Variants in ARB2A observed in about 807,000 individuals in gnomAD.
ARB2A encodes the protein cotranscriptional regulator ARB2A.
the ARB2A span, among the ~76,000 whole-genome samples, chr5:93,681,104 T>A: frequency 6.6e-6 from 1 of 152,274 alleles, no homozygotes; most frequent in Admixed American, 6.5e-5. Context: ...TTATATGTAA[T>A]GTTTCCTTTT....
the ARB2A span, among the ~76,000 whole-genome samples, chr5:94,015,587 T>C: frequency 6.6e-6 from 1 of 152,080 alleles, no homozygotes. Flanking sequence ...AAAACAGTAA[T>C]AGCTACAGCA....
the ARB2A span, among the ~76,000 whole-genome samples, chr5:93,911,128 A>T: frequency 6.6e-6 from 1 of 151,586 alleles, no homozygotes; most frequent in African/African-American, 2.4e-5. Context: ...ATTTAGAGCA[A>T]TATTAAGTTC....
chr5:93,621,327 C>G, the ARB2A span, among the ~76,000 whole-genome samples: 73 of 152,044 alleles, frequency 4.8e-4, no homozygotes, highest in Non-Finnish European at 9.3e-4. Context: ...GCGGGCCAGC[C>G]GACTCCCAGG....
the ARB2A span, among the ~76,000 whole-genome samples, chr5:93,946,512 C>T: frequency 6.6e-6 from 1 of 152,140 alleles, no homozygotes; most frequent in African/African-American, 2.4e-5. Flanking sequence ...ATATTATCTA[C>T]CTGGCTCAGC....
chr5:93,676,179 A>C, the ARB2A span, among the ~76,000 whole-genome samples: 1 of 152,212 alleles, frequency 6.6e-6, no homozygotes, highest in African/African-American at 2.4e-5. Flanking sequence ...GGGGTCAAGA[A>C]AACACATTTG....
the ARB2A span, among the ~76,000 whole-genome samples, chr5:93,807,618 C>G: frequency 1.3e-5 from 2 of 151,766 alleles, no homozygotes; most frequent in Non-Finnish European, 2.9e-5. Flanking sequence ...ATTGCAAACA[C>G]CAGTAAATTT....
the ARB2A span, among the ~76,000 whole-genome samples, chr5:93,874,900 T>C: frequency 2.0e-5 from 3 of 152,176 alleles, no homozygotes; most frequent in Non-Finnish European, 4.4e-5. Flanking sequence ...TAGTTCTCAA[T>C]TGAGTCTCAA....
chr5:93,873,298 A>G, the ARB2A span, among the ~76,000 whole-genome samples: 7 of 28,488 alleles, frequency 2.5e-4, 2 homozygotes, highest in East Asian at 0.012. Context: ...TCTCAAAAAA[A>G]AAAGGGGGGG....
chr5:93,717,938 G>A, the ARB2A span, among the ~76,000 whole-genome samples: 59 of 151,154 alleles, frequency 3.9e-4, no homozygotes, highest in Non-Finnish European at 5.0e-4. Flanking sequence ...GGATTCAAGC[G>A]ATTCTCCTGC....
At chr5:93,757,908 T>C in the ARB2A span, among the ~76,000 whole-genome samples, 3 of 152,056 alleles carry the variant, frequency 2.0e-5, no homozygotes, top group Admixed American at 6.5e-5. Context: ...ATACTAACAT[T>C]GAAAGTAAAT....
At chr5:93,702,777 A>C in the ARB2A span, among the ~76,000 whole-genome samples, 1 of 152,156 alleles carries the variant, frequency 6.6e-6, no homozygotes, top group Non-Finnish European at 1.5e-5. Flanking sequence ...TAAGCATCAA[A>C]GGGAATTTGC....
the ARB2A span, among the ~76,000 whole-genome samples, chr5:93,749,488 G>A: frequency 6.6e-6 from 1 of 152,132 alleles, no homozygotes; most frequent in Non-Finnish European, 1.5e-5. Context: ...TATGCAAAGT[G>A]AAGAATTATG....
the ARB2A span, chr5:93,737,462 C>T: frequency 6.6e-6 from 1 of 151,940 alleles, no homozygotes; most frequent in Non-Finnish European, 1.5e-5. Flanking sequence ...TTTCAAGTAA[C>T]CCACAATGGT....
chr5:93,772,098 C>T, the ARB2A span, among the ~76,000 whole-genome samples: 5 of 152,152 alleles, frequency 3.3e-5, no homozygotes, highest in Admixed American at 2.0e-4. Flanking sequence ...AAATGTGGCA[C>T]AAATACACCA....
the ARB2A span, among the ~76,000 whole-genome samples, chr5:93,925,412 T>A: frequency 1.3e-5 from 2 of 152,220 alleles, no homozygotes; most frequent in Admixed American, 1.3e-4. Context: ...AATCATTTGA[T>A]TGGGCAGAGA....
At chr5:93,869,453 C>A in the ARB2A span, among the ~76,000 whole-genome samples, 1 of 152,122 alleles carries the variant, frequency 6.6e-6, no homozygotes, top group African/African-American at 2.4e-5. Flanking sequence ...TAGTCATGGA[C>A]AGAGGCAACT....
the ARB2A span, among the ~76,000 whole-genome samples, chr5:94,025,976 G>C: frequency 8.5e-4 from 130 of 152,304 alleles, no homozygotes; most frequent in African/African-American, 2.8e-3. Context: ...GCTATTCCAG[G>C]CAAGGGCCAG....
At chr5:94,088,935 T>C in the ARB2A span, among the ~76,000 whole-genome samples, 2 of 152,164 alleles carry the variant, frequency 1.3e-5, no homozygotes, top group Non-Finnish European at 2.9e-5. Context: ...CATTTAATTA[T>C]AAAAGAAAGT....
At chr5:93,671,998 G>T in the ARB2A span, among the ~76,000 whole-genome samples, 1 of 152,198 alleles carries the variant, frequency 6.6e-6, no homozygotes, top group Non-Finnish European at 1.5e-5. Flanking sequence ...ATGGCTGAGT[G>T]AGTTCTGCTT....
Sources: allele counts gnomAD v4.1 joint callset (sites outside exome capture counted in the v4.1 genomes callset), GRCh38; gene constraint gnomAD v4.1.1; transcripts MANE v1.5; gene names NCBI Gene and HGNC (gene_info 2026-07-23, HGNC 2026-07-21).